Variants in SNX18 observed in about 807,000 individuals in gnomAD.
The protein encoded by SNX18 is sorting nexin 18.
Under a neutral mutation model 48.7 loss-of-function variants are expected in SNX18, and 35 were observed. The ratio of observed to expected loss-of-function variants is 0.72; its 90% CI spans 0.55 to 0.95. The LOEUF is 0.95. SNX18 is among the 40% of genes least tolerant of loss of function. SNX18 has a pLI of 0.00. For missense variants in SNX18, 824 were observed against 871.0 expected (o/e 0.95, Z 0.68); for synonymous variants, 492 against 384.7 (o/e 1.28, Z -3.26).
chr5:54,634,554 G>A, the SNX18 span, among the ~76,000 whole-genome samples: 12 of 151,670 alleles, frequency 7.9e-5, no homozygotes, highest in East Asian at 5.8e-4. Context: ...GCTCATCAGC[G>A]ATCCTTAGTG....
the SNX18 span, among the ~76,000 whole-genome samples, chr5:54,606,503 C>T: frequency 6.6e-6 from 1 of 152,272 alleles, no homozygotes; most frequent in Admixed American, 6.5e-5. Context: ...CTTCGGGAGA[C>T]CAGGTGGTTC....
At chr5:54,583,002 G>T in the SNX18 span, among the ~76,000 whole-genome samples, 7 of 152,030 alleles carry the variant, frequency 4.6e-5, no homozygotes, top group African/African-American at 1.7e-4. Flanking sequence ...CTCTTCTCTG[G>T]GCTACTGTAA....
chr5:54,578,481 G>T, the SNX18 span, among the ~76,000 whole-genome samples: 1 of 152,184 alleles, frequency 6.6e-6, no homozygotes, highest in East Asian at 1.9e-4. Flanking sequence ...CCTGGGGTCA[G>T]CCCATGACGA....
chr5:54,518,774 C>T lies in SNX18; in HGVS notation c.822C>T (p.Tyr274=). Residue 274 remains tyrosine (Y), a synonymous_variant, in exon 1 of 2, where the codon TAC becomes TAT. Transcript: ENST00000381410. The part of the protein sequence containing the change: ...PYGPEWQENP[Y]PFQCTIDDPT... ...GCCCCGAGTGGCAGGAGAACCCCTA[C>T]CCGTTCCAGTGCACCATCGACGACC... The T allele has an allele frequency of 6.2e-7, 1 of 1,606,402 alleles. No individual in the cohort carries two copies.
chr5:54,593,462 T>C, the SNX18 span, among the ~76,000 whole-genome samples: 3 of 152,296 alleles, frequency 2.0e-5, no homozygotes, highest in African/African-American at 7.2e-5. Flanking sequence ...GTTAAGACAT[T>C]AATTATCCAC....
chr5:54,630,186 T>C, the SNX18 span, among the ~76,000 whole-genome samples: 1 of 152,294 alleles, frequency 6.6e-6, no homozygotes, highest in African/African-American at 2.4e-5. Context: ...TCAGTGCCCC[T>C]AGTCCCTGTT....
chr5:54,597,890 G>A, the SNX18 span, among the ~76,000 whole-genome samples: 1 of 151,748 alleles, frequency 6.6e-6, no homozygotes, highest in Admixed American at 6.6e-5. Context: ...ACCAAGATCA[G>A]AGCAGAACTG....
chr5:54,601,094 G>C, the SNX18 span, among the ~76,000 whole-genome samples: 1 of 134,658 alleles, frequency 7.4e-6, no homozygotes, highest in Non-Finnish European at 1.6e-5. Context: ...CCCTCTGTCT[G>C]TCCATCTGTC....
chr5:54,528,676 C>T (rs1049741316), intron 1 of SNX18, among the ~76,000 whole-genome samples: 1 of 152,148 alleles, frequency 6.6e-6, no homozygotes, highest in Non-Finnish European at 1.5e-5. Context: ...GACACACAGT[C>T]GTGGACATGC....
chr5:54,523,072 C>A (rs973866227), intron 1 of SNX18, among the ~76,000 whole-genome samples: 1 of 152,104 alleles, frequency 6.6e-6, no homozygotes. Flanking sequence ...TAATAGGAGT[C>A]CTTTAAGTTC....
chr5:54,549,234 G>C (rs1319469169), downstream of SNX18, among the ~76,000 whole-genome samples: 2 of 152,192 alleles, frequency 1.3e-5, no homozygotes, highest in Non-Finnish European at 2.9e-5. Flanking sequence ...AAGACCCTCT[G>C]TGGTTATGTG....
At chr5:54,632,854 A>G in the SNX18 span, among the ~76,000 whole-genome samples, 2 of 151,974 alleles carry the variant, frequency 1.3e-5, no homozygotes, top group Non-Finnish European at 2.9e-5. Flanking sequence ...CCTTACTGCA[A>G]CCTCTGCCTC....
At chr5:54,630,194 G>A in the SNX18 span, among the ~76,000 whole-genome samples, 629 of 152,304 alleles carry the variant, frequency 4.1e-3, 6 homozygotes, top group African/African-American at 0.014. Context: ...CCTAGTCCCT[G>A]TTCTGTGAAC....
the SNX18 span, among the ~76,000 whole-genome samples, chr5:54,554,028 G>C: frequency 6.6e-6 from 1 of 152,176 alleles, no homozygotes; most frequent in East Asian, 1.9e-4. Flanking sequence ...TGCATGGCTG[G>C]GCCTCCGTGG....
chr5:54,632,590 C>T, the SNX18 span, among the ~76,000 whole-genome samples: 6 of 152,066 alleles, frequency 3.9e-5, no homozygotes, highest in African/African-American at 1.4e-4. Flanking sequence ...AGAAGCCCAG[C>T]CAAACCACTG....
At chr5:54,539,519 C>T (rs1014726170) in intron 1 of SNX18, among the ~76,000 whole-genome samples, 3 of 152,160 alleles carry the variant, frequency 2.0e-5, no homozygotes, top group Non-Finnish European at 4.4e-5. Context: ...GAGCATTTTC[C>T]GTTGTCACAT....
chr5:54,641,285 T>C, the SNX18 span, among the ~76,000 whole-genome samples: 6 of 152,196 alleles, frequency 3.9e-5, no homozygotes, highest in African/African-American at 1.4e-4. Context: ...AATTTTTACA[T>C]AGATGTTGTA....
chr5:54,584,110 G>T, the SNX18 span, among the ~76,000 whole-genome samples: 35 of 150,164 alleles, frequency 2.3e-4, no homozygotes, highest in Non-Finnish European at 3.5e-4. Context: ...GAGTGCAGTG[G>T]CACAATCTCA....
the SNX18 span, among the ~76,000 whole-genome samples, chr5:54,571,154 T>G: frequency 6.6e-6 from 1 of 152,056 alleles, no homozygotes; most frequent in Non-Finnish European, 1.5e-5. Context: ...TTCAGTTTTC[T>G]GTTTTCTTTC....
Sources: allele counts gnomAD v4.1 joint callset (sites outside exome capture counted in the v4.1 genomes callset), GRCh38; gene constraint gnomAD v4.1.1; transcripts MANE v1.5; gene names NCBI Gene and HGNC (gene_info 2026-07-23, HGNC 2026-07-21).